The following SIAE variants were observed in gnomAD, a reference collection of about 807,000 sequenced individuals.
The protein encoded by SIAE is sialate O-acetylesterase.
A neutral mutation model predicts 52.6 loss-of-function variants in SIAE; 39 were observed. The observed-to-expected ratio is 0.74, with a 90% confidence interval of 0.57 to 0.97. The LOEUF (loss-of-function observed/expected upper bound fraction) is 0.97, where lower values mean the gene tolerates loss of function less well. SIAE is among the 50% of genes least tolerant of loss of function. The probability of loss-of-function intolerance (pLI) is 0.00; values close to 1 mark genes in which losing one functional copy is unlikely to be tolerated. For missense variants in SIAE, 592 were observed against 662.1 expected (o/e 0.89, Z 1.16); for synonymous variants, 233 against 241.4 (o/e 0.97, Z 0.32).
rs1239066156 is a variant in SIAE, at chr11:124,637,153, T to G, written c.1370A>C (p.Asn457Thr). 1 of 1,614,014 alleles carries G rather than the reference T, an allele frequency of 6.2e-7. No homozygotes were observed. Among genetic ancestry groups the G allele is most frequent in the East Asian group, 2.2e-5 (1 of 44,870 alleles). Reference protein sequence around the residue: ...HRCKWLPASMNTVSTQSLTLA... With the variant: ...HRCKWLPASMTTVSTQSLTLA... ...GGTCAGGGACTGGGTGGAGACGGTG[T>G]TCATAGAAGCTGGAAGCCACTTGCA... The change falls in exon 10 of 10, where the codon AAC (asparagine) becomes ACC (threonine). Residue 457 changes from asparagine (N) to threonine (T), a missense_variant. Physicochemically the swap from Asn to Thr is moderately conservative, Grantham distance 65. Transcript: ENST00000263593.
intron 7 of SIAE, among the ~76,000 whole-genome samples, chr11:124,646,916 T>TGC (rs1942943960): frequency 6.6e-6 from 1 of 152,244 alleles, no homozygotes; most frequent in African/African-American, 2.4e-5. Flanking sequence ...TGAAGATTAA[T>TGC]ATTTATTGAC....
chr11:124,644,721 A>T (rs1942906520), intron 7 of SIAE, among the ~76,000 whole-genome samples: 1 of 152,188 alleles, frequency 6.6e-6, no homozygotes, highest in Non-Finnish European at 1.5e-5. Flanking sequence ...ATCCCTATTT[A>T]AAAACCACAC....
chr11:124,661,657 G>A (rs930201453), intron 2 of SIAE, among the ~76,000 whole-genome samples: 9 of 152,166 alleles, frequency 5.9e-5, no homozygotes, highest in Middle Eastern at 3.4e-3. Flanking sequence ...TTATGCCAAG[G>A]AGAATCAAGC....
At chr11:124,652,652 T>C (rs570493651) in intron 4 of SIAE, among the ~76,000 whole-genome samples, 13 of 138,878 alleles carry the variant, frequency 9.4e-5, no homozygotes, top group Admixed American at 2.3e-4. Flanking sequence ...CAAGATCACA[T>C]CACTGCACTC....
intron 7 of SIAE, among the ~76,000 whole-genome samples, chr11:124,643,810 G>C (rs1425241933): frequency 2.6e-5 from 4 of 152,064 alleles, no homozygotes; most frequent in African/African-American, 9.7e-5. Context: ...TGATCTAACT[G>C]TAAGTCAAAC....
In SIAE at chr11:124,654,651, A is replaced by G; in HGVS notation, c.544+4T>C. The G allele has an allele frequency of 6.2e-7, 1 of 1,614,146 alleles. No homozygotes were observed. Among genetic ancestry groups the G allele is most frequent in the Non-Finnish European group, 8.5e-7 (1 of 1,179,998 alleles). ...AGAGACAGCACGTTCAAGCCGTCAC[A>G]TACCTGAGGTGGGCTTAGACCACTG... is the stretch of plus-strand genomic sequence containing the variant. On this transcript the variant is annotated splice_donor_region_variant and intron_variant, in intron 4 of 9. Transcript: ENST00000263593.
intron 4 of SIAE, among the ~76,000 whole-genome samples, chr11:124,652,043 T>C (rs1943024882): frequency 6.6e-6 from 1 of 152,074 alleles, no homozygotes; most frequent in East Asian, 1.9e-4. Context: ...TAGGAAATAT[T>C]CTGAGAGTAT....
rs1392457399 is a variant in SIAE, at chr11:124,634,419, T to C, written c.*2532A>G. The C allele has an allele frequency of 2.6e-5, 4 of 152,224 alleles. No individual in the cohort carries two copies. The highest frequency in any genetic ancestry group is 4.8e-5 in the African/African-American group (2 of 41,436). 9.4% of individuals were successfully genotyped at this position (152,224 alleles called of 1,614,324 possible). A position where few individuals can be genotyped will look rare whatever the true frequency, so the allele number is the denominator to read the frequency against. ...CATCTATCAGATTGTTAAGGATTTT[T>C]TTTAAATTTGACAACATCCAGTGTC... On this transcript the variant is annotated 3_prime_UTR_variant, in exon 10 of 10. Transcript: ENST00000263593.
At chr11:124,665,973 T>G (rs1461581927) in intron 2 of SIAE, among the ~76,000 whole-genome samples, 1 of 152,202 alleles carries the variant, frequency 6.6e-6, no homozygotes, top group African/African-American at 2.4e-5. Flanking sequence ...CACCCTCATT[T>G]TATCACCTAC....
chr11:124,661,976 T>A (rs1179565608), intron 2 of SIAE, among the ~76,000 whole-genome samples: 1 of 152,210 alleles, frequency 6.6e-6, no homozygotes, highest in African/African-American at 2.4e-5. Context: ...GATGTCCTAA[T>A]GTACAACAGG....
intron 3 of SIAE, among the ~76,000 whole-genome samples, chr11:124,657,970 A>C (rs1157737416): frequency 1.3e-5 from 2 of 152,168 alleles, no homozygotes; most frequent in Admixed American, 6.5e-5. Context: ...CTGCAGTGTT[A>C]TTATTTTTTT....
At chr11:124,647,260 A>G (rs1942948221) in intron 7 of SIAE, 105 bp downstream of exon 7, 7 of 1,487,222 alleles carry the variant, frequency 4.7e-6, no homozygotes, top group Non-Finnish European at 1.9e-6. Flanking sequence ...AAATCCAGGA[A>G]AGAGATCCAA....
In SIAE at chr11:124,669,014, A is replaced by G. The variant is rs1267715748; in HGVS notation, c.229+346T>C. On this transcript the variant is annotated intron_variant, in intron 2 of 9. Coordinates refer to ENST00000263593, the MANE Select transcript of SIAE (RefSeq NM_170601.5). ...AGCTCAAATACCATCTTCTGTGGAA[A>G]CCTTCCCTTACCACCCAGTCTGAGT... 2.0e-5 allele frequency among the ~76,000 whole-genome samples: 3 copies of G among 151,898 alleles called. No individual in the cohort carries two copies. In the East Asian group the frequency reaches 5.8e-4, roughly 29 times the overall value.
intron 2 of SIAE, among the ~76,000 whole-genome samples, chr11:124,664,768 A>G (rs1943248911): frequency 6.6e-6 from 1 of 152,092 alleles, no homozygotes; most frequent in Admixed American, 6.5e-5. Context: ...ATTTTGTTCT[A>G]TTATTGTGCC....
chr11:124,646,853 A>G (rs1942942796), intron 7 of SIAE, among the ~76,000 whole-genome samples: 1 of 152,244 alleles, frequency 6.6e-6, no homozygotes, highest in Non-Finnish European at 1.5e-5. Flanking sequence ...CAGCTAGTTA[A>G]ATAAACTACA....
At chr11:124,642,390 A>C (rs1246195728) in intron 7 of SIAE, among the ~76,000 whole-genome samples, 1 of 152,246 alleles carries the variant, frequency 6.6e-6, no homozygotes, top group African/African-American at 2.4e-5. Flanking sequence ...TAGAGCAGTG[A>C]ACAAAACACA....
At position 124,638,531 on chromosome 11, in the gene SIAE, G is replaced by C. The variant is rs762764789; in HGVS notation, c.1320+11C>G. 3.7e-6 allele frequency: 6 copies of C among 1,613,804 alleles called. No homozygotes were observed. The highest frequency in any genetic ancestry group is 1.7e-5 in the Admixed American group (1 of 60,008). On this transcript the variant is annotated intron_variant, in intron 9 of 9. Transcript: ENST00000263593. ...AAAATGAACCCCTGTTTATTCTGCT[G>C]TTCTTCTCACCTCAAATATCTTGTT...
At chr11:124,644,616 G>C (rs981079324) in intron 7 of SIAE, among the ~76,000 whole-genome samples, 13 of 152,162 alleles carry the variant, frequency 8.5e-5, no homozygotes, top group African/African-American at 3.1e-4. Flanking sequence ...GAAATACTGC[G>C]GCTAATAAAG....
In SIAE at chr11:124,633,165, T is replaced by C. The variant is rs1330942852; in HGVS notation, c.*3786A>G. On this transcript the variant is annotated 3_prime_UTR_variant, in exon 10 of 10. Coordinates refer to ENST00000263593, the MANE Select transcript of SIAE (RefSeq NM_170601.5). ...TATTGCACCTCAGATAATGTGCTTT[T>C]TAGCTCAGTACACTGAAACCATATG... The C allele has an allele frequency of 6.6e-6, 1 of 152,248 alleles. No individual in the cohort carries two copies. Among genetic ancestry groups the C allele is most frequent in the Non-Finnish European group, 1.5e-5 (1 of 68,050 alleles). The allele number at this position is 152,248 out of a possible 1,614,324, so 9.4% of individuals were successfully genotyped here.
Sources: allele counts gnomAD v4.1 joint callset (sites outside exome capture counted in the v4.1 genomes callset), GRCh38; gene constraint gnomAD v4.1.1; transcripts MANE v1.5; gene names NCBI Gene and HGNC (gene_info 2026-07-23, HGNC 2026-07-21).